The following NODAL variants were observed in gnomAD, a reference collection of about 807,000 sequenced individuals.
The protein encoded by NODAL is nodal growth differentiation factor, also known as nodal homolog.
Under a neutral mutation model 34.0 loss-of-function variants are expected in NODAL, and 12 were observed. That is an observed-to-expected ratio of 0.35 (90% confidence interval 0.23 to 0.57). The LOEUF is 0.57. Ranked by LOEUF, NODAL falls within the 20% of genes least tolerant of loss-of-function variation. NODAL has a pLI of 0.83. For missense variants in NODAL, 390 were observed against 444.2 expected, an observed-to-expected ratio of 0.88 and a Z score of 1.10; for synonymous variants, 162 against 186.4, an observed-to-expected ratio of 0.87 and a Z score of 1.07.
chr10:70,432,835 CCTCT>C lies in NODAL; in HGVS notation c.*97_*100del, dbSNP rs1318152319. The C allele has an allele frequency of 7.0e-7, 1 of 1,433,958 alleles. No homozygotes were observed. The highest frequency in any genetic ancestry group is 1.7e-5 in the Admixed American group (1 of 59,684). The allele number at this position is 1,433,958 out of a possible 1,614,324, so 88.8% of individuals were successfully genotyped here. ...TTCTGGTGGGCAGAGCAACTTTGCC[CCTCT>C]CTGTTTCTCCTTACTGGATTAGATG... On this transcript the variant is annotated 3_prime_UTR_variant, in exon 3 of 3. Coordinates refer to ENST00000287139, the MANE Select transcript of NODAL (RefSeq NM_018055.5).
At chr10:70,446,027 C>T (rs966642380), upstream of NODAL, among the ~76,000 whole-genome samples, 1 of 152,196 alleles carries the variant, frequency 6.6e-6, no homozygotes, top group African/African-American at 2.4e-5. Flanking sequence ...ACCTGAATCT[C>T]TGTTGCTTTT....
Position 70,435,686 on chromosome 10 carries a change from T to C in NODAL, c.491A>G (p.Lys164Arg). Residue 164 changes from lysine (K) to arginine (R), a missense_variant, in exon 2 of 3, where the codon AAG becomes AGG. Physicochemically the swap from Lys to Arg is conservative, Grantham distance 26 (BLOSUM62 2). Coordinates refer to ENST00000287139, the MANE Select transcript of NODAL (RefSeq NM_018055.5). ...CTGCTTCTCCAGGGCCCCAGGGTGC[T>C]TCAGCCACTTGGAGAGAGGCCTGGT... ...EVTRPLSKWL[K>R]HPGALEKQMS... 1.2e-6 allele frequency: 2 copies of C among 1,614,126 alleles called. No homozygotes were observed. The highest frequency in any genetic ancestry group is 1.7e-6 in the Non-Finnish European group (2 of 1,180,006).
At position 70,441,479 on chromosome 10, in the gene NODAL, T is replaced by C. The variant is rs1404273963; in HGVS notation, c.189A>G (p.Ala63=). Residue 63 remains alanine, a synonymous_variant, in exon 1 of 3, where the codon GCA becomes GCG. Coordinates refer to ENST00000287139, the MANE Select transcript of NODAL (RefSeq NM_018055.5). ...GCGGCACGCGGCACTGCCTACCTTC[T>C]GCCTGTAGGCTGCGGATGATGTCTG... The part of the protein sequence containing the change: ...PRADIIRSLQ[A]EDVAVDGQNW... 8.9e-6 allele frequency: 14 copies of C among 1,580,828 alleles called. No individual in the cohort carries two copies. Among genetic ancestry groups the C allele is most frequent in the Admixed American group, 1.8e-5 (1 of 55,494 alleles).
upstream of NODAL, among the ~76,000 whole-genome samples, chr10:70,444,344 T>G (rs553800178): frequency 9.5e-4 from 145 of 151,910 alleles, 3 homozygotes; most frequent in South Asian, 0.019. Flanking sequence ...TTTTTTTTTT[T>G]TTTGAGACAG....
chr10:70,432,921 C>T lies in NODAL; in HGVS notation c.*15G>A, dbSNP rs750203271. On this transcript the variant is annotated 3_prime_UTR_variant, in exon 3 of 3. Transcript: ENST00000287139. ...TCCAGAGTGCAGGCAAATCCAGTCT[C>T]CCTCCAGGATGTCATCAGAGGCACC... 1.2e-6 allele frequency: 2 copies of T among 1,613,952 alleles called. No homozygotes were observed. Among genetic ancestry groups the T allele is most frequent in the Admixed American group, 1.7e-5 (1 of 60,026 alleles).
chr10:70,438,959 G>T (rs1041640605), intron 1 of NODAL, among the ~76,000 whole-genome samples: 3 of 152,198 alleles, frequency 2.0e-5, no homozygotes, highest in Non-Finnish European at 4.4e-5. Context: ...TTCATATGCT[G>T]AATGCAGACT....
chr10:70,437,180 C>T (rs762452024), intron 1 of NODAL, among the ~76,000 whole-genome samples: 2 of 152,218 alleles, frequency 1.3e-5, no homozygotes, highest in Admixed American at 1.3e-4. Context: ...CGGTGGCTCA[C>T]GCCTGTAATC....
upstream of NODAL, among the ~76,000 whole-genome samples, chr10:70,446,531 GTCATTCAT>G (rs372359165): frequency 1.4e-4 from 22 of 152,094 alleles, no homozygotes; most frequent in African/African-American, 5.1e-4. Flanking sequence ...GTAGCATTTA[GTCATTCAT>G]TCATTCATTC....
rs750203271 is a variant in NODAL at position 70,432,921 on chromosome 10, C to A, written c.*15G>T. ...TCCAGAGTGCAGGCAAATCCAGTCT[C>A]CCTCCAGGATGTCATCAGAGGCACC... On this transcript the variant is annotated 3_prime_UTR_variant, in exon 3 of 3. Coordinates refer to ENST00000287139, the MANE Select transcript of NODAL (RefSeq NM_018055.5). 58 of 1,613,834 alleles carry A rather than the reference C, an allele frequency of 3.6e-5. No homozygotes were observed. The Admixed American group carries it at 6.8e-4, about 19-fold the overall frequency.
intron 1 of NODAL, among the ~76,000 whole-genome samples, chr10:70,437,250 C>G (rs190345603): frequency 3.9e-5 from 6 of 152,254 alleles, no homozygotes; most frequent in African/African-American, 1.4e-4. Flanking sequence ...CGAAACCAGC[C>G]TGACCAACAT....
At chr10:70,445,205 T>C (rs7072552), upstream of NODAL, among the ~76,000 whole-genome samples, 134,334 of 152,168 alleles carry the variant, frequency 0.88, 59,676 homozygotes, top group Middle Eastern at 0.95. Flanking sequence ...ACAAAAAAGA[T>C]GGCATGCTTT....
chr10:70,434,062 C>T (rs1033748375), intron 2 of NODAL, among the ~76,000 whole-genome samples: 1 of 152,164 alleles, frequency 6.6e-6, no homozygotes, highest in Non-Finnish European at 1.5e-5. Context: ...ATGACCTCAG[C>T]CCATGTGCTC....
chr10:70,445,413 ACG>A (rs1245725553), upstream of NODAL, among the ~76,000 whole-genome samples: 16 of 151,746 alleles, frequency 1.1e-4, no homozygotes, highest in Non-Finnish European at 2.9e-5. Context: ...GCCCCCCACC[ACG>A]CCCGGCTAAT....
At chr10:70,446,999 G>A (rs1845494604) in intron 1 of NODAL, among the ~76,000 whole-genome samples, 1 of 151,364 alleles carries the variant, frequency 6.6e-6, no homozygotes, top group Admixed American at 6.6e-5. Flanking sequence ...CATCTATCAA[G>A]ACACAGTTTA....
chr10:70,435,927 G>A lies in NODAL; in HGVS notation c.250C>T (p.Gln84Ter). ...TFAFDFSFLS[Q>*]QEDLAWAELR... ...TCAGCCCATGCCAGATCCTCTTGTT[G>A]GCTCAGGAAGGAGAAGTCAAAAGCA... Residue 84 changes from glutamine to a stop codon, truncating the protein, a stop_gained, in exon 2 of 3, where the codon CAA (glutamine) becomes TAA (stop). Transcript: ENST00000287139. LOFTEE classifies it high-confidence loss of function. The A allele has an allele frequency of 6.2e-7, 1 of 1,614,144 alleles. No homozygotes were observed. Among genetic ancestry groups the A allele is most frequent in the South Asian group, 1.1e-5 (1 of 91,088 alleles).
At chr10:70,436,595 A>T (rs1845358899) in intron 1 of NODAL, 1 of 153,088 alleles carries the variant, frequency 6.5e-6, no homozygotes. Context: ...TGTTTTACAG[A>T]CACATTGAGC....
chr10:70,443,668 T>C (rs1845456632), upstream of NODAL, among the ~76,000 whole-genome samples: 3 of 152,000 alleles, frequency 2.0e-5, no homozygotes, highest in South Asian at 6.2e-4. Flanking sequence ...GGAGAAACCC[T>C]GTCTCTACCA....
At position 70,439,006 on chromosome 10, in the gene NODAL, C is replaced by T. The variant is rs140536431; in HGVS notation, c.193+2469G>A. 3.9e-4 allele frequency among the ~76,000 whole-genome samples: 59 copies of T among 152,252 alleles called. No individual in the cohort carries two copies. In the East Asian group the frequency reaches 0.01, roughly 26 times the overall value. ...ATGCCCCTGATGTCCTCCTGGCCCA[C>T]CTCCAGTTCTTTTTTTTGAGATGGA... On this transcript the variant is annotated intron_variant, in intron 1 of 2. Transcript: ENST00000287139.
upstream of NODAL, among the ~76,000 whole-genome samples, chr10:70,442,504 T>G (rs1845444003): frequency 6.6e-6 from 1 of 152,214 alleles, no homozygotes; most frequent in Non-Finnish European, 1.5e-5. Flanking sequence ...GCTTTCCTTA[T>G]TTGCACAAGA....
Sources: gnomAD v4.1 joint callset for allele counts (sites outside exome capture counted in the v4.1 genomes callset) on GRCh38, gnomAD v4.1.1 for gene constraint, MANE v1.5 for transcripts, NCBI Gene and HGNC (gene_info 2026-07-23, HGNC 2026-07-21) for gene names.